The following SLIT2 variants were observed in gnomAD, a reference collection of about 807,000 sequenced individuals.
SLIT2 encodes slit homolog 2 protein.
A neutral mutation model predicts 185.7 loss-of-function variants in SLIT2; 41 were observed. That is an observed-to-expected ratio of 0.22 (90% CI 0.17 to 0.29). The LOEUF (loss-of-function observed/expected upper bound fraction) is 0.29. SLIT2 is among the 10% of genes least tolerant of loss of function. SLIT2 has a pLI of 1.00. For missense variants in SLIT2, 1,571 were observed against 1,909.0 expected, an observed-to-expected ratio of 0.82 and a Z score of 3.30; for synonymous variants, 693 against 680.2, an observed-to-expected ratio of 1.02 and a Z score of -0.29.
intron 3 of SLIT2, among the ~76,000 whole-genome samples, chr4:20,262,265 T>C (rs13142886): frequency 0.71 from 107,591 of 151,578 alleles, 38,578 homozygotes; most frequent in East Asian, 0.91. Context: ...CATACACATA[T>C]CACTCCTAAG....
intron 4 of SLIT2, among the ~76,000 whole-genome samples, chr4:20,461,337 G>A (rs796588366): frequency 9.2e-5 from 14 of 152,242 alleles, no homozygotes; most frequent in African/African-American, 3.4e-4. Flanking sequence ...GAGAATGAGA[G>A]TTTGCAGGTA....
intron 10 of SLIT2, 44 bp from the exon 11 acceptor site, chr4:20,511,022 C>A: frequency 8.1e-7 from 1 of 1,240,006 alleles, no homozygotes; most frequent in Non-Finnish European, 1.2e-6. Context: ...GTAAATCTCA[C>A]TGACATTTGA....
intron 30 of SLIT2, among the ~76,000 whole-genome samples, chr4:20,594,866 A>G (rs1431710896): frequency 6.6e-6 from 1 of 152,178 alleles, no homozygotes; most frequent in Non-Finnish European, 1.5e-5. Flanking sequence ...TTTGTTCCTT[A>G]GTCTCCTCAC....
chr4:20,489,641 G>A (rs1443210163), intron 8 of SLIT2, among the ~76,000 whole-genome samples: 1 of 152,076 alleles, frequency 6.6e-6, no homozygotes, highest in African/African-American at 2.4e-5. Flanking sequence ...AAAACTAGCT[G>A]GGCATGGTGG....
At chr4:20,417,779 A>C (rs1038581778) in intron 4 of SLIT2, among the ~76,000 whole-genome samples, 2 of 151,132 alleles carry the variant, frequency 1.3e-5, no homozygotes, top group African/African-American at 4.9e-5. Context: ...CAGCCTCCCA[A>C]AGTGCTGGGA....
intron 4 of SLIT2, among the ~76,000 whole-genome samples, chr4:20,286,605 A>G (rs1715289623): frequency 6.6e-6 from 1 of 152,196 alleles, no homozygotes; most frequent in African/African-American, 2.4e-5. Flanking sequence ...GTTCGAGACC[A>G]GCCTGACCAA....
intron 29 of SLIT2, among the ~76,000 whole-genome samples, chr4:20,580,851 A>T (rs1305690066): frequency 6.6e-6 from 1 of 152,166 alleles, no homozygotes; most frequent in East Asian, 1.9e-4. Context: ...ACCGCTTATT[A>T]CAGACTGACT....
Position 20,617,070 on chromosome 4 carries a change from C to T in SLIT2, c.4008C>T (p.Cys1336=). ...GCATTTTGCCTGGCTGTGAGCCATG[C>T]CACAAGAAGGTGTGTGCCCATGGCA... ...QTGILPGCEP[C]HKKVCAHGTC... The change falls in exon 35 of 37, where the codon TGC becomes TGT. Residue 1336 remains cysteine, a synonymous_variant. Coordinates refer to ENST00000504154, the MANE Select transcript of SLIT2 (RefSeq NM_004787.4). 5 of 1,614,174 alleles carry T rather than the reference C, an allele frequency of 3.1e-6. No individual in the cohort carries two copies. The highest frequency in any genetic ancestry group is 3.4e-6 in the Non-Finnish European group (4 of 1,180,004).
chr4:20,310,941 G>A (rs1718050883), intron 4 of SLIT2, among the ~76,000 whole-genome samples: 1 of 152,192 alleles, frequency 6.6e-6, no homozygotes, highest in Non-Finnish European at 1.5e-5. Context: ...CTGGAGTGTA[G>A]TGGTGCAATC....
chr4:20,536,523 C>G (rs192404812), intron 18 of SLIT2, among the ~76,000 whole-genome samples: 2 of 149,024 alleles, frequency 1.3e-5, no homozygotes, highest in African/African-American at 5.0e-5. Flanking sequence ...GCACCATTGC[C>G]CTCCAGCCTG....
At chr4:20,292,004 G>C (rs1034099140) in intron 4 of SLIT2, among the ~76,000 whole-genome samples, 3 of 151,788 alleles carry the variant, frequency 2.0e-5, no homozygotes, top group African/African-American at 7.3e-5. Flanking sequence ...AGAATGGATA[G>C]ACTATGGCTG....
chr4:20,374,680 T>G (rs569953499), intron 4 of SLIT2, among the ~76,000 whole-genome samples: 1 of 152,000 alleles, frequency 6.6e-6, no homozygotes, highest in Non-Finnish European at 1.5e-5. Context: ...TTCCTTCCTT[T>G]CCCTTCCCTT....
Position 20,567,514 on chromosome 4 carries a change from C to G in SLIT2, c.2851-4C>G. 6.2e-7 allele frequency: 1 copy of G among 1,611,880 alleles called. No individual in the cohort carries two copies. The highest frequency in any genetic ancestry group is 8.5e-7 in the Non-Finnish European group (1 of 1,178,238). Reference sequence around the variant, plus strand: ...CTCGACTATACTTGCCCCTTCTTCTCCAGGGGCAGGACTGTGATGTCCCAA... The same window carrying G: ...CTCGACTATACTTGCCCCTTCTTCTGCAGGGGCAGGACTGTGATGTCCCAA... On this transcript the variant is annotated splice_region_variant and splice_polypyrimidine_tract_variant and intron_variant, in intron 27 of 36. Transcript: ENST00000504154.
intron 4 of SLIT2, among the ~76,000 whole-genome samples, chr4:20,349,799 G>A (rs148791186): frequency 2.4e-4 from 36 of 152,220 alleles, no homozygotes; most frequent in Non-Finnish European, 4.3e-4. Context: ...GGCTGGTGAG[G>A]CATCTCAGCA....
chr4:20,318,566 T>C (rs1718793581), intron 4 of SLIT2, among the ~76,000 whole-genome samples: 1 of 152,160 alleles, frequency 6.6e-6, no homozygotes, highest in South Asian at 2.1e-4. Flanking sequence ...TTGCAATATT[T>C]TTTAACTTGA....
chr4:20,397,478 T>G (rs1332104592), intron 4 of SLIT2, among the ~76,000 whole-genome samples: 1 of 151,816 alleles, frequency 6.6e-6, no homozygotes, highest in Non-Finnish European at 1.5e-5. Context: ...CATAAGAAAC[T>G]GAAGGCTGCT....
Position 20,484,408 on chromosome 4 carries a change from C to T in SLIT2, c.540-1792C>T, listed in dbSNP as rs1295927981. 2.0e-5 allele frequency among the ~76,000 whole-genome samples: 3 copies of T among 152,102 alleles called. No individual in the cohort carries two copies. The highest frequency in any genetic ancestry group is 7.2e-5 in the African/African-American group (3 of 41,422). On this transcript the variant is annotated intron_variant, in intron 6 of 36. Transcript: ENST00000504154. The surrounding 1 kb of genome is among the most constrained non-coding windows in gnomAD (Gnocchi z 4.3). ...GCTAAAAGCTCTTAGGTAAACTGAG[C>T]CAACAAATCCAGTGCTCTGTAGGTC...
rs1187882127 is a variant in SLIT2 at position 20,418,623 on chromosome 4, GT to G, written c.396-49127del. Among the ~76,000 whole-genome samples, 28 of 152,204 alleles carry G rather than the reference GT, an allele frequency of 1.8e-4. 1 individual carries two copies. Among genetic ancestry groups the G allele is most frequent in the Non-Finnish European group, 5.9e-5 (4 of 68,024 alleles). ...TATTAACTCAAACCCGATAGCATAT[GT>G]TGTGCAAACTAAGACATCAAAGACT... On this transcript the variant is annotated intron_variant, in intron 4 of 36. Transcript: ENST00000504154.
chr4:20,418,523 A>G (rs1727889869), intron 4 of SLIT2, among the ~76,000 whole-genome samples: 1 of 152,184 alleles, frequency 6.6e-6, no homozygotes. Flanking sequence ...GGATACAATG[A>G]ATATTTAATT....
Sources: allele counts gnomAD v4.1 joint callset (sites outside exome capture counted in the v4.1 genomes callset), GRCh38; gene constraint gnomAD v4.1.1; non-coding constraint Gnocchi (gnomAD v3.1); transcripts MANE v1.5; gene names NCBI Gene and HGNC (gene_info 2026-07-23, HGNC 2026-07-21).